Variants in AMBRA1 observed in about 807,000 individuals in gnomAD.
The protein encoded by AMBRA1 is activating molecule in BECN1-regulated autophagy protein 1.
A neutral mutation model predicts 125.4 loss-of-function variants in AMBRA1; 47 were observed. The observed-to-expected ratio is 0.37, with a 90% confidence interval of 0.30 to 0.48. The LOEUF (loss-of-function observed/expected upper bound fraction) is 0.48, where lower values mean the gene tolerates loss of function less well. Ranked by LOEUF, AMBRA1 falls within the 20% of genes least tolerant of loss-of-function variation. The pLI, the probability that AMBRA1 is intolerant of heterozygous loss-of-function variation, is 0.99. For synonymous variants in AMBRA1, 626 were observed against 655.5 expected (o/e 0.95, Z 0.69); for missense variants, 1,331 against 1,693.4 (o/e 0.79, Z 3.76).
intron 9 of AMBRA1, among the ~76,000 whole-genome samples, chr11:46,496,073 TAAAG>T (rs766547813): frequency 3.9e-4 from 60 of 151,900 alleles, no homozygotes; most frequent in Non-Finnish European, 7.1e-4. Context: ...CTCATCTCTT[TAAAG>T]AAAGATAGAA....
chr11:46,422,977 A>AG, intron 14 of AMBRA1, among the ~76,000 whole-genome samples: 1 of 152,340 alleles, frequency 6.6e-6, no homozygotes, highest in Non-Finnish European at 1.5e-5. Flanking sequence ...TGAGGAAGAA[A>AG]GGAACTGTGA....
intron 7 of AMBRA1, among the ~76,000 whole-genome samples, chr11:46,519,320 G>A (rs1002930236): frequency 1.3e-5 from 2 of 151,974 alleles, no homozygotes; most frequent in African/African-American, 4.8e-5. Flanking sequence ...CACCATGCCC[G>A]GCCCCTTCAC....
At chr11:46,572,069 G>A (rs970724828) in intron 1 of AMBRA1, among the ~76,000 whole-genome samples, 15 of 152,246 alleles carry the variant, frequency 9.9e-5, no homozygotes, top group South Asian at 4.1e-4. Flanking sequence ...TTGCGAGGCC[G>A]AGGTGGGTGG....
intron 7 of AMBRA1, among the ~76,000 whole-genome samples, chr11:46,534,891 C>T (rs759405154): frequency 6.6e-6 from 1 of 152,162 alleles, no homozygotes; most frequent in Non-Finnish European, 1.5e-5. Flanking sequence ...CCAGGCTGGT[C>T]GCAAATTCCT....
At chr11:46,456,918 C>T (rs1753346514) in intron 11 of AMBRA1, among the ~76,000 whole-genome samples, 1 of 152,238 alleles carries the variant, frequency 6.6e-6, no homozygotes, top group South Asian at 2.1e-4. Context: ...CTTCCGCCCC[C>T]ACTCAGCACA....
At chr11:46,571,735 G>A (rs1459396626) in intron 1 of AMBRA1, among the ~76,000 whole-genome samples, 1 of 142,104 alleles carries the variant, frequency 7.0e-6, no homozygotes, top group African/African-American at 2.6e-5. Flanking sequence ...GTCGCCCCAG[G>A]CTGGAGTGCA....
At chr11:46,538,749 C>G (rs1303925651) in intron 7 of AMBRA1, among the ~76,000 whole-genome samples, 2 of 152,164 alleles carry the variant, frequency 1.3e-5, no homozygotes, top group African/African-American at 4.8e-5. Flanking sequence ...CTGCCTGCTT[C>G]GGCCTCTCAA....
At chr11:46,580,396 G>A (rs1431702565) in intron 1 of AMBRA1, among the ~76,000 whole-genome samples, 1 of 152,102 alleles carries the variant, frequency 6.6e-6, no homozygotes, top group African/African-American at 2.4e-5. Context: ...CTACTTACTT[G>A]ATATCTGCAC....
intron 11 of AMBRA1, among the ~76,000 whole-genome samples, chr11:46,478,487 T>C (rs1565200833): frequency 1.3e-5 from 2 of 152,164 alleles, no homozygotes; most frequent in Non-Finnish European, 1.5e-5. Flanking sequence ...GGCTATATCC[T>C]AGAAAATACC....
intron 9 of AMBRA1, among the ~76,000 whole-genome samples, chr11:46,504,311 T>C (rs957200526): frequency 6.6e-6 from 1 of 152,218 alleles, no homozygotes; most frequent in African/African-American, 2.4e-5. Context: ...CCTTAGCAAC[T>C]ACGGGCCATA....
At chr11:46,480,114 C>T (rs1450707341) in intron 11 of AMBRA1, among the ~76,000 whole-genome samples, 4 of 152,184 alleles carry the variant, frequency 2.6e-5, no homozygotes, top group Admixed American at 1.3e-4. Flanking sequence ...CTTCTGCCTT[C>T]CTCTTCCACT....
intron 9 of AMBRA1, 35 bp from the exon 10 acceptor site, chr11:46,494,239 C>T: frequency 6.5e-7 from 1 of 1,528,648 alleles, no homozygotes. Flanking sequence ...ATAAGAGAGT[C>T]ACTAAGGAAG....
chr11:46,587,956 A>G (rs2044461564), intron 1 of AMBRA1, among the ~76,000 whole-genome samples: 1 of 152,220 alleles, frequency 6.6e-6, no homozygotes, highest in South Asian at 2.1e-4. Flanking sequence ...AAAACAACAC[A>G]CAATGAAGAA....
At chr11:46,513,009 G>C (rs565879471) in intron 7 of AMBRA1, among the ~76,000 whole-genome samples, 196 bp from the exon 8 acceptor site, 1 of 152,154 alleles carries the variant, frequency 6.6e-6, no homozygotes, top group Non-Finnish European at 1.5e-5. Flanking sequence ...CTCCCACACT[G>C]GACATGACCA....
At chr11:46,569,586 A>T (rs2043682131) in intron 1 of AMBRA1, among the ~76,000 whole-genome samples, 1 of 151,962 alleles carries the variant, frequency 6.6e-6, no homozygotes, top group African/African-American at 2.4e-5. Flanking sequence ...GAGTCTGTGT[A>T]CTATAGAAAT....
chr11:46,466,127 T>A (rs568444686), intron 11 of AMBRA1, among the ~76,000 whole-genome samples: 2 of 152,332 alleles, frequency 1.3e-5, no homozygotes, highest in African/African-American at 4.8e-5. Flanking sequence ...GGTAGTAAGA[T>A]GTACTTCTTG....
chr11:46,508,511 A>G (rs992934240), intron 8 of AMBRA1, 141 bp from the exon 9 acceptor site: 1 of 785,262 alleles, frequency 1.3e-6, no homozygotes, highest in Non-Finnish European at 2.0e-6. Context: ...ATTTAACTCA[A>G]CTCACCAGGA....
intron 17 of AMBRA1, 64 bp downstream of exon 17, chr11:46,408,449 G>A: frequency 1.4e-6 from 2 of 1,396,474 alleles, no homozygotes; most frequent in Non-Finnish European, 1.9e-6. Flanking sequence ...TCCTGAGTGG[G>A]AAGTGGCACT....
At chr11:46,566,093 A>C (rs1425592480) in intron 1 of AMBRA1, among the ~76,000 whole-genome samples, 1 of 152,288 alleles carries the variant, frequency 6.6e-6, no homozygotes, top group Middle Eastern at 3.4e-3. Flanking sequence ...ACTACAGTAC[A>C]TCCAAACCAT....
Sources: allele counts gnomAD v4.1 joint callset (sites outside exome capture counted in the v4.1 genomes callset), GRCh38; gene constraint gnomAD v4.1.1; transcripts MANE v1.5; gene names NCBI Gene and HGNC (gene_info 2026-07-23, HGNC 2026-07-21).